APP: variants seen among roughly 807,000 people sequenced by gnomAD.
The protein encoded by APP is amyloid beta precursor protein, also known as amyloid-beta precursor protein.
A neutral mutation model predicts 101.4 loss-of-function variants in APP; 31 were observed. The ratio of observed to expected loss-of-function variants is 0.31; its 90% CI spans 0.23 to 0.41. The LOEUF is 0.41. Among genes scored for constraint, APP ranks in the 10% least tolerant of loss-of-function variants. The pLI is 1.00. For synonymous variants in APP, 366 were observed against 364.4 expected (o/e 1.00, Z -0.05); for missense variants, 839 against 1,003.7 (o/e 0.84, Z 2.22).
At chr21:25,998,566 CT>C (rs1352749456) in intron 7 of APP, among the ~76,000 whole-genome samples, 1 of 152,086 alleles carries the variant, frequency 6.6e-6, no homozygotes, top group Non-Finnish European at 1.5e-5. Flanking sequence ...GCAGGCCCTT[CT>C]GTTGTTTTGC....
rs183849889 is a variant in APP at position 26,076,770 on chromosome 21, A to G, written c.355+13173T>C. ...ACTTGACTTGCAACTTCTAAGCTTA[A>G]AAGAAATTTTAGGCTGGGCGCAGTG... is the stretch of plus-strand genomic sequence containing the variant. On this transcript the variant is annotated intron_variant, in intron 3 of 17. Transcript: ENST00000346798. Among the ~76,000 whole-genome samples, 254 of 152,298 alleles carry G rather than the reference A, an allele frequency of 1.7e-3. 1 individual carries two copies. The highest frequency in any genetic ancestry group is 5.9e-3 in the African/African-American group (247 of 41,566).
intron 5 of APP, among the ~76,000 whole-genome samples, chr21:26,044,830 C>T (rs572445145): frequency 7.2e-5 from 11 of 152,144 alleles, no homozygotes; most frequent in Non-Finnish European, 1.6e-4. Context: ...TGAGCTACTG[C>T]GCCCGGCTGA....
intron 17 of APP, among the ~76,000 whole-genome samples, chr21:25,890,948 A>G (rs1379374283): frequency 6.6e-6 from 1 of 152,208 alleles, no homozygotes; most frequent in Non-Finnish European, 1.5e-5. Flanking sequence ...CCCTGTGCAT[A>G]TAAAAGTTAT....
At chr21:26,065,849 T>C (rs1473233575) in intron 3 of APP, among the ~76,000 whole-genome samples, 3 of 152,012 alleles carry the variant, frequency 2.0e-5, no homozygotes, top group African/African-American at 7.2e-5. Flanking sequence ...AATTCCAACA[T>C]TCGTTAAAAG....
At chr21:25,979,811 A>AAG (rs2042358422) in intron 9 of APP, among the ~76,000 whole-genome samples, 1 of 356 alleles carries the variant, frequency 2.8e-3, no homozygotes, top group Non-Finnish European at 6.7e-3. Flanking sequence ...AAAAACACAC[A>AAG]TTAAAAAAAA....
At chr21:25,940,563 CAACT>C (rs1277467604) in intron 13 of APP, among the ~76,000 whole-genome samples, 3 of 152,102 alleles carry the variant, frequency 2.0e-5, no homozygotes, top group Admixed American at 6.5e-5. Flanking sequence ...TTTTAATCTA[CAACT>C]AATTATCAGA....
chr21:26,098,752 C>T (rs1273099206), intron 2 of APP, among the ~76,000 whole-genome samples: 1 of 152,168 alleles, frequency 6.6e-6, no homozygotes, highest in Non-Finnish European at 1.5e-5. Context: ...TTAAAATTCA[C>T]CTTTAGCCAA....
At chr21:26,115,635 A>G (rs1470397879) in intron 1 of APP, among the ~76,000 whole-genome samples, 2 of 152,222 alleles carry the variant, frequency 1.3e-5, no homozygotes, top group East Asian at 1.9e-4. Context: ...TCCTGAGTGA[A>G]GCCTCCAAGA....
At chr21:25,882,894 T>C (rs532586488) in intron 17 of APP, among the ~76,000 whole-genome samples, 2 of 152,268 alleles carry the variant, frequency 1.3e-5, no homozygotes, top group South Asian at 4.2e-4. Flanking sequence ...TTCCCCCTTG[T>C]TGAGTGTTGC....
intron 5 of APP, among the ~76,000 whole-genome samples, chr21:26,046,053 C>G (rs944786500): frequency 6.6e-6 from 1 of 151,978 alleles, no homozygotes; most frequent in African/African-American, 2.4e-5. Context: ...TCTCGTGAGA[C>G]TTATTCACTT....
At chr21:26,006,615 A>G (rs531134367) in intron 6 of APP, among the ~76,000 whole-genome samples, 2 of 152,346 alleles carry the variant, frequency 1.3e-5, no homozygotes, top group African/African-American at 2.4e-5. Flanking sequence ...ATAATGCTCA[A>G]CCACAAAAAA....
chr21:26,000,535 A>G (rs973508521), intron 6 of APP, among the ~76,000 whole-genome samples: 4 of 152,248 alleles, frequency 2.6e-5, no homozygotes, highest in African/African-American at 9.6e-5. Context: ...TCTCTTTTTA[A>G]GAAGTCAACT....
rs1345236289 is a variant in APP at position 26,045,278 on chromosome 21, T to C, written c.662+5722A>G. On this transcript the variant is annotated intron_variant, in intron 5 of 17. Coordinates refer to ENST00000346798, the MANE Select transcript of APP (RefSeq NM_000484.4). ...CAATAATTAAATGAAATTGCAAGTA[T>C]AAAAAAAAAAGACCAAGAAATATGA... is the stretch of plus-strand genomic sequence containing the variant. 4.8e-5 allele frequency among the ~76,000 whole-genome samples: 7 copies of C among 147,316 alleles called. No homozygotes were observed. In the East Asian group the frequency reaches 1.4e-3, roughly 29 times the overall value.
intron 1 of APP, among the ~76,000 whole-genome samples, chr21:26,125,107 A>G (rs2062654083): frequency 6.6e-6 from 1 of 152,226 alleles, no homozygotes; most frequent in African/African-American, 2.4e-5. Context: ...GCCCAGGCTG[A>G]GTATGGGTCG....
intron 3 of APP, chr21:26,089,501 CCTTT>C (rs1175884689): frequency 8.4e-6 from 1 of 119,614 alleles, no homozygotes; most frequent in East Asian, 2.6e-4. Flanking sequence ...TGTAGAACAG[CCTTT>C]TTTTTTTTTT....
intron 8 of APP, among the ~76,000 whole-genome samples, chr21:25,990,337 G>A (rs957681632): frequency 6.6e-6 from 1 of 152,142 alleles, no homozygotes; most frequent in East Asian, 1.9e-4. Context: ...GTGAAGGAAC[G>A]AATGCTGGCA....
intron 1 of APP, among the ~76,000 whole-genome samples, chr21:26,155,221 G>C (rs2063350859): frequency 6.6e-6 from 1 of 152,190 alleles, no homozygotes; most frequent in African/African-American, 2.4e-5. Flanking sequence ...GAGCAAGCTA[G>C]ATTGCACTCT....
chr21:25,970,463 A>G (rs1204780478), intron 11 of APP, among the ~76,000 whole-genome samples: 2 of 152,156 alleles, frequency 1.3e-5, no homozygotes, highest in Non-Finnish European at 2.9e-5. Context: ...CTCAGCACCC[A>G]CCAGCCTATC....
intron 3 of APP, among the ~76,000 whole-genome samples, chr21:26,070,188 CA>C (rs1359794596): frequency 6.6e-6 from 1 of 152,174 alleles, no homozygotes; most frequent in East Asian, 1.9e-4. Flanking sequence ...AATCATGTTT[CA>C]AAAATCACAC....
Sources: gnomAD v4.1 joint callset for allele counts (sites outside exome capture counted in the v4.1 genomes callset) on GRCh38, gnomAD v4.1.1 for gene constraint, MANE v1.5 for transcripts, NCBI Gene and HGNC (gene_info 2026-07-23, HGNC 2026-07-21) for gene names.